The following MINDY3 variants were observed in gnomAD, a reference collection of about 807,000 sequenced individuals.
The protein encoded by MINDY3 is MINDY lysine 48 deubiquitinase 3, also known as ubiquitin carboxyl-terminal hydrolase MINDY-3.
A neutral mutation model predicts 69.2 loss-of-function variants in MINDY3; 38 were observed. The ratio of observed to expected loss-of-function variants is 0.55; its 90% CI spans 0.42 to 0.72. The LOEUF (loss-of-function observed/expected upper bound fraction) is 0.72. MINDY3 is among the 30% of genes least tolerant of loss of function. The probability of loss-of-function intolerance (pLI) is 0.00; values close to 1 mark genes in which losing one functional copy is unlikely to be tolerated. For missense variants in MINDY3, 522 were observed against 519.0 expected (o/e 1.01, Z -0.06); for synonymous variants, 192 against 180.1 (o/e 1.07, Z -0.53).
At chr10:15,823,530 A>G (rs554872626) in intron 8 of MINDY3, among the ~76,000 whole-genome samples, 1 of 152,160 alleles carries the variant, frequency 6.6e-6, no homozygotes, top group East Asian at 1.9e-4. Flanking sequence ...TAAGTTTATT[A>G]AAAATGTTAT....
intron 1 of MINDY3, among the ~76,000 whole-genome samples, chr10:15,848,762 C>T (rs193227907): frequency 7.1e-4 from 107 of 151,518 alleles, no homozygotes; most frequent in African/African-American, 2.5e-3. Flanking sequence ...TAGCAGCTAG[C>T]GGAAGTTCTT....
At chr10:15,794,434 G>A (rs1429617644) in intron 11 of MINDY3, among the ~76,000 whole-genome samples, 3 of 152,064 alleles carry the variant, frequency 2.0e-5, no homozygotes, top group Non-Finnish European at 2.9e-5. Context: ...GTGATATTTA[G>A]ATGAAAAGTG....
intron 11 of MINDY3, among the ~76,000 whole-genome samples, chr10:15,790,832 G>C (rs74126619): frequency 6.6e-6 from 1 of 152,040 alleles, no homozygotes; most frequent in Admixed American, 6.6e-5. Context: ...TCAACCTTTC[G>C]GGTGAGGGAT....
At chr10:15,844,773 T>A (rs900072088) in intron 2 of MINDY3, among the ~76,000 whole-genome samples, 1 of 152,182 alleles carries the variant, frequency 6.6e-6, no homozygotes, top group Non-Finnish European at 1.5e-5. Flanking sequence ...AGTATATGAG[T>A]GTGCCAGCAT....
At chr10:15,845,813 ATTTTTTTTTTTTT>A (rs891710697) in intron 2 of MINDY3, among the ~76,000 whole-genome samples, 24 of 49,334 alleles carry the variant, frequency 4.9e-4, no homozygotes, top group Admixed American at 3.6e-3. Context: ...GGCCTATGTG[ATTTTTTTTTTTTT>A]TTTTTTTTTT....
chr10:15,838,349 G>A, intron 4 of MINDY3, 70 bp from the exon 5 acceptor site: 13 of 1,351,294 alleles, frequency 9.6e-6, no homozygotes, highest in Non-Finnish European at 1.2e-5. Flanking sequence ...ACAGCAGGCT[G>A]TAAATACTTT....
At chr10:15,789,455 T>C in intron 11 of MINDY3, 136 bp from the exon 12 acceptor site, 1 of 593,070 alleles carries the variant, frequency 1.7e-6, no homozygotes, top group Non-Finnish European at 3.0e-6. Context: ...TAAGTTTATT[T>C]TAGGCATAGT....
In MINDY3 at chr10:15,778,909, T is replaced by G. The variant is rs1285691438; in HGVS notation, c.*83A>C. 1.7e-6 allele frequency: 2 copies of G among 1,210,940 alleles called. No homozygotes were observed. Among genetic ancestry groups the G allele is most frequent in the African/African-American group, 1.5e-5 (1 of 65,862 alleles). The allele number at this position is 1,210,940 out of a possible 1,614,324, so 75.0% of individuals were successfully genotyped here. A position where few individuals can be genotyped will look rare whatever the true frequency, so the allele number is the denominator to read the frequency against. ...ACAGTTAATCAGTGATACCAGTGTT[T>G]AGCTTAATCCAGCCAATTGCCAGTC... On this transcript the variant is annotated 3_prime_UTR_variant, in exon 15 of 15. Transcript: ENST00000277632.
intron 9 of MINDY3, 72 bp downstream of exon 9, chr10:15,821,584 G>A: frequency 1.7e-6 from 2 of 1,152,676 alleles, no homozygotes; most frequent in South Asian, 1.4e-5. Flanking sequence ...TGCTGTCAGA[G>A]GAACAAAACA....
intron 10 of MINDY3, among the ~76,000 whole-genome samples, chr10:15,815,041 A>G (rs1839261681): frequency 1.3e-5 from 2 of 152,248 alleles, no homozygotes; most frequent in South Asian, 4.1e-4. Flanking sequence ...TTTTAGTTTC[A>G]TATAATTAGT....
In MINDY3 at chr10:15,780,436, G is replaced by T. The variant is rs141134562; in HGVS notation, c.1189-1295C>A. Among the ~76,000 whole-genome samples, 473 of 152,280 alleles carry T rather than the reference G, an allele frequency of 3.1e-3. 3 individuals carry two copies. Among genetic ancestry groups the T allele is most frequent in the African/African-American group, 0.011 (450 of 41,544 alleles). ...CCTTCTCTGAAAAGTTATACACAAA[G>T]AATATAATTCAAGTTATTAAGTTAA... On this transcript the variant is annotated intron_variant, in intron 14 of 14. Transcript: ENST00000277632.
intron 10 of MINDY3, among the ~76,000 whole-genome samples, chr10:15,816,297 TAAA>T (rs796119725): frequency 8.0e-6 from 1 of 124,234 alleles, no homozygotes; most frequent in Non-Finnish European, 1.7e-5. Context: ...AGAAAAAAAA[TAAA>T]AAAGACAAGA....
chr10:15,785,910 T>C (rs1412316725), intron 13 of MINDY3, among the ~76,000 whole-genome samples: 1 of 152,210 alleles, frequency 6.6e-6, no homozygotes, highest in African/African-American at 2.4e-5. Context: ...TGATATCTGA[T>C]AAAATGACCA....
intron 10 of MINDY3, among the ~76,000 whole-genome samples, chr10:15,802,478 T>C (rs1384030312): frequency 6.6e-6 from 1 of 151,968 alleles, no homozygotes; most frequent in African/African-American, 2.4e-5. Flanking sequence ...TCCTGAGAAC[T>C]CACTATCAGA....
At position 15,850,293 on chromosome 10, in the gene MINDY3, T is replaced by C. The variant is rs537552151; in HGVS notation, c.95-2350A>G. On this transcript the variant is annotated intron_variant, in intron 1 of 14. Coordinates refer to ENST00000277632, the MANE Select transcript of MINDY3 (RefSeq NM_024948.4). ...TTGTAGAGCATGTGTGTTTGAACAA[T>C]ATGAAATTTGGGCACCCAAAAGCAA... is the stretch of plus-strand genomic sequence containing the variant. Among the ~76,000 whole-genome samples the C allele has an allele frequency of 1.6e-4, 25 of 152,322 alleles. No homozygotes were observed. In the East Asian group the frequency reaches 4.6e-3, roughly 28 times the overall value.
intron 10 of MINDY3, among the ~76,000 whole-genome samples, chr10:15,811,519 A>G (rs1470265825): frequency 6.6e-6 from 1 of 152,144 alleles, no homozygotes; most frequent in African/African-American, 2.4e-5. Flanking sequence ...AACACAACAC[A>G]AACACAAATT....
intron 1 of MINDY3, among the ~76,000 whole-genome samples, chr10:15,856,418 GA>G (rs372994140): frequency 7.1e-5 from 10 of 141,814 alleles, no homozygotes; most frequent in South Asian, 2.2e-4. Context: ...TGGGGAAAAA[GA>G]AAAAAAAAAC....
intron 10 of MINDY3, among the ~76,000 whole-genome samples, chr10:15,813,768 A>G (rs980816609): frequency 1.3e-5 from 2 of 152,224 alleles, no homozygotes; most frequent in Non-Finnish European, 2.9e-5. Context: ...CACAACGCCA[A>G]ATTACAGACT....
intron 1 of MINDY3, among the ~76,000 whole-genome samples, chr10:15,854,112 A>C (rs1176772385): frequency 6.6e-6 from 1 of 152,196 alleles, no homozygotes; most frequent in Non-Finnish European, 1.5e-5. Context: ...GAGATCTATT[A>C]AAACTGCAAG....
Sources: gnomAD v4.1 joint callset for allele counts (sites outside exome capture counted in the v4.1 genomes callset) on GRCh38, gnomAD v4.1.1 for gene constraint, MANE v1.5 for transcripts, NCBI Gene and HGNC (gene_info 2026-07-23, HGNC 2026-07-21) for gene names.